The following DLGAP2 variants were observed in gnomAD, a reference collection of about 807,000 sequenced individuals.
DLGAP2 encodes the protein disks large-associated protein 2.
A neutral mutation model predicts 100.3 loss-of-function variants in DLGAP2; 26 were observed. The ratio of observed to expected loss-of-function variants is 0.26; its 90% CI spans 0.19 to 0.36. DLGAP2 has a LOEUF of 0.36. Among genes scored for constraint, DLGAP2 ranks in the 10% least tolerant of loss-of-function variants. The pLI, the probability that DLGAP2 is intolerant of heterozygous loss-of-function variation, is 1.00. For missense variants in DLGAP2, 1,858 were observed against 1,453.2 expected (o/e 1.28, Z -4.53); for synonymous variants, 886 against 630.1 (o/e 1.41, Z -6.08).
chr8:1,591,648 A>G (rs965539037), intron 6 of DLGAP2, among the ~76,000 whole-genome samples: 14 of 151,964 alleles, frequency 9.2e-5, no homozygotes, highest in African/African-American at 3.4e-4. Flanking sequence ...CATCTACTTG[A>G]CCTGCAGGAA....
chr8:1,134,035 C>A (rs1337386565), intron 2 of DLGAP2, among the ~76,000 whole-genome samples: 2 of 151,918 alleles, frequency 1.3e-5, no homozygotes, highest in Non-Finnish European at 2.9e-5. Context: ...GATGTTGGTC[C>A]CCTTTATGCA....
At chr8:848,857 C>A (rs77149728) in intron 1 of DLGAP2, among the ~76,000 whole-genome samples, 8 of 130,820 alleles carry the variant, frequency 6.1e-5, no homozygotes, top group Admixed American at 3.4e-4. Flanking sequence ...TGTGTTCCAG[C>A]ATAGGATCGC....
Position 1,678,421 on chromosome 8 carries a change from C to G in DLGAP2, c.2496C>G (p.Asp832Glu), listed in dbSNP as rs757504904. ...RTQGLFSYRE[D>E]YRTQVDTSTL... ...AGGGGCTCTTCAGCTATAGAGAAGA[C>G]TATCGGACCCAAGTGGACACCTCCA... The change falls in exon 12 of 15, where the codon GAC (aspartate) becomes GAG (glutamate). Residue 832 changes from aspartate (D) to glutamate (E), a missense_variant. Physicochemically the swap from Asp to Glu is conservative, Grantham distance 45. Transcript: ENST00000637795. The G allele has an allele frequency of 9.9e-6, 16 of 1,613,688 alleles. No homozygotes were observed. The South Asian group carries it at 1.3e-4, about 13-fold the overall frequency.
At chr8:949,059 C>G (rs1484527753) in intron 2 of DLGAP2, among the ~76,000 whole-genome samples, 1 of 152,082 alleles carries the variant, frequency 6.6e-6, no homozygotes, top group South Asian at 2.1e-4. Flanking sequence ...GAGCAGGGCC[C>G]GTGGGCGTGA....
chr8:1,588,267 G>A (rs972507890), intron 6 of DLGAP2, among the ~76,000 whole-genome samples: 2 of 151,980 alleles, frequency 1.3e-5, no homozygotes, highest in African/African-American at 4.8e-5. Flanking sequence ...TTGAAGGTGC[G>A]ACCTTCGAGA....
intron 2 of DLGAP2, among the ~76,000 whole-genome samples, chr8:1,100,385 A>C (rs1283093598): frequency 1.5e-5 from 2 of 130,650 alleles, no homozygotes; most frequent in Non-Finnish European, 1.6e-5. Context: ...ACAGTGTATA[A>C]TGTGTGTAGG....
intron 2 of DLGAP2, among the ~76,000 whole-genome samples, chr8:1,170,462 C>T (rs1169670155): frequency 2.0e-5 from 3 of 152,074 alleles, no homozygotes; most frequent in Non-Finnish European, 1.5e-5. Context: ...GCAATGGTAC[C>T]AGTTCATCCT....
intron 1 of DLGAP2, among the ~76,000 whole-genome samples, chr8:750,511 TAAA>T (rs1820763664): frequency 6.6e-6 from 1 of 152,142 alleles, no homozygotes; most frequent in African/African-American, 2.4e-5. Flanking sequence ...AACAGAAAAT[TAAA>T]GAAGCCAATA....
chr8:1,544,793 T>A (rs1801478038), intron 4 of DLGAP2, among the ~76,000 whole-genome samples: 1 of 151,530 alleles, frequency 6.6e-6, no homozygotes, highest in African/African-American at 2.4e-5. Flanking sequence ...AGTGCAGTGG[T>A]GTAATCTTGG....
rs78625272 is a variant in DLGAP2 at position 1,051,998 on chromosome 8, C to G, written c.73+144032C>G. ...GGAGTGCCACCTGCCCACATTCTACCCACAATGGGATGCCCCACAAGGATG... is the reference window on the plus strand; with the variant it reads ...GGAGTGCCACCTGCCCACATTCTACGCACAATGGGATGCCCCACAAGGATG... On this transcript the variant is annotated intron_variant, in intron 2 of 14. Transcript: ENST00000637795. 5.5e-3 allele frequency among the ~76,000 whole-genome samples: 831 copies of G among 152,250 alleles called. 11 individuals carry two copies. Among genetic ancestry groups the G allele is most frequent in the African/African-American group, 0.019 (786 of 41,530 alleles).
chr8:1,067,264 C>G (rs1423707105), intron 2 of DLGAP2, among the ~76,000 whole-genome samples: 2 of 152,242 alleles, frequency 1.3e-5, no homozygotes, highest in African/African-American at 4.8e-5. Flanking sequence ...CAAGGAGAGA[C>G]TGAGAAGGCT....
At chr8:775,169 AG>A (rs1420073839) in intron 1 of DLGAP2, among the ~76,000 whole-genome samples, 1 of 151,522 alleles carries the variant, frequency 6.6e-6, no homozygotes, top group East Asian at 1.9e-4. Context: ...TTGGTGTATA[AG>A]AATGCTTGTG....
intron 2 of DLGAP2, among the ~76,000 whole-genome samples, chr8:1,143,457 G>A (rs186910264): frequency 4.9e-4 from 75 of 152,222 alleles, no homozygotes; most frequent in East Asian, 7.7e-4. Flanking sequence ...AGCTACAGAC[G>A]GGATATTTAC....
chr8:1,383,448 G>A (rs1368826310), intron 3 of DLGAP2, among the ~76,000 whole-genome samples: 3 of 152,234 alleles, frequency 2.0e-5, no homozygotes, highest in South Asian at 4.1e-4. Context: ...GTATGTGTTA[G>A]CCCTGCCTTG....
intron 4 of DLGAP2, among the ~76,000 whole-genome samples, chr8:1,545,525 C>T (rs1009782609): frequency 1.3e-5 from 2 of 152,064 alleles, no homozygotes; most frequent in Non-Finnish European, 2.9e-5. Context: ...AGATGCTTTC[C>T]GCATTTTGTG....
intron 3 of DLGAP2, among the ~76,000 whole-genome samples, chr8:1,279,966 G>T (rs563190464): frequency 6.6e-6 from 1 of 152,306 alleles, no homozygotes; most frequent in South Asian, 2.1e-4. Context: ...TGCCTATGTT[G>T]TGTCTACTGT....
chr8:913,504 A>T (rs548686283), intron 2 of DLGAP2, among the ~76,000 whole-genome samples: 7 of 152,312 alleles, frequency 4.6e-5, no homozygotes, highest in Admixed American at 1.3e-4. Flanking sequence ...CATTAGTGTC[A>T]CACCTCTGTG....
chr8:1,385,925 C>T (rs1395742798), intron 3 of DLGAP2, among the ~76,000 whole-genome samples: 1 of 152,266 alleles, frequency 6.6e-6, no homozygotes, highest in Non-Finnish European at 1.5e-5. Flanking sequence ...TCTCCGGGAG[C>T]CACGACAACC....
At chr8:1,206,165 C>T (rs985629096) in intron 2 of DLGAP2, among the ~76,000 whole-genome samples, 14 of 152,176 alleles carry the variant, frequency 9.2e-5, no homozygotes, top group South Asian at 2.1e-4. Context: ...GAAGGGAAGG[C>T]GCTGTGAGAA....
Sources: allele counts gnomAD v4.1 joint callset (sites outside exome capture counted in the v4.1 genomes callset), GRCh38; gene constraint gnomAD v4.1.1; transcripts MANE v1.5; gene names NCBI Gene and HGNC (gene_info 2026-07-23, HGNC 2026-07-21).